CCSER1: variants seen among roughly 807,000 people sequenced by gnomAD.
CCSER1 encodes the protein coiled-coil serine rich protein 1.
CCSER1 carries 41 observed loss-of-function variants against 82.0 expected under a neutral mutation model. That is an observed-to-expected ratio of 0.50 (90% CI 0.39 to 0.65). CCSER1 has a LOEUF of 0.65. Among genes scored for constraint, CCSER1 ranks in the 30% least tolerant of loss-of-function variants. The pLI is 0.00. For synonymous variants in CCSER1, 414 were observed against 383.9 expected, an observed-to-expected ratio of 1.08 and a Z score of -0.92; for missense variants, 1,119 against 1,064.2, an observed-to-expected ratio of 1.05 and a Z score of -0.72.
At chr4:91,173,661 T>A (rs1358988522) in intron 10 of CCSER1, among the ~76,000 whole-genome samples, 1 of 150,866 alleles carries the variant, frequency 6.6e-6, no homozygotes, top group African/African-American at 2.4e-5. Context: ...TTTTGCTACA[T>A]TCCAGGAAAA....
At chr4:90,800,810 C>T (rs1756704762) in intron 7 of CCSER1, among the ~76,000 whole-genome samples, 1 of 152,088 alleles carries the variant, frequency 6.6e-6, no homozygotes, top group Non-Finnish European at 1.5e-5. Context: ...TCTCATTCTT[C>T]TACATGCAAA....
intron 10 of CCSER1, among the ~76,000 whole-genome samples, chr4:91,268,096 C>T (rs981637063): frequency 1.3e-5 from 2 of 152,160 alleles, no homozygotes; most frequent in Admixed American, 1.3e-4. Context: ...AAATGTTTCT[C>T]ATTAAACTAG....
intron 10 of CCSER1, among the ~76,000 whole-genome samples, chr4:91,114,822 T>C (rs1300044799): frequency 6.6e-6 from 1 of 152,212 alleles, no homozygotes; most frequent in Non-Finnish European, 1.5e-5. Flanking sequence ...TTATTGTTAA[T>C]TATTAAAAGG....
At chr4:91,071,598 CA>C (rs1228669609) in intron 9 of CCSER1, among the ~76,000 whole-genome samples, 1 of 152,050 alleles carries the variant, frequency 6.6e-6, no homozygotes, top group African/African-American at 2.4e-5. Context: ...GATTCATATG[CA>C]AATAATCATA....
chr4:90,266,048 C>A (rs1725175025), intron 1 of CCSER1, among the ~76,000 whole-genome samples: 1 of 152,104 alleles, frequency 6.6e-6, no homozygotes, highest in African/African-American at 2.4e-5. Flanking sequence ...TAAATTATTT[C>A]ACTTACAACC....
At chr4:91,580,161 G>A (rs1479861785) in intron 10 of CCSER1, among the ~76,000 whole-genome samples, 2 of 151,882 alleles carry the variant, frequency 1.3e-5, no homozygotes, top group African/African-American at 4.8e-5. Flanking sequence ...TTATAATGCA[G>A]CATATTCAAT....
chr4:91,599,738 G>C lies in CCSER1; in HGVS notation c.*681G>C, dbSNP rs772126807. On this transcript the variant is annotated 3_prime_UTR_variant, in exon 11 of 11. Transcript: ENST00000509176. Reference sequence around the variant, plus strand: ...ATTGCTAGCCAAATAGAGAATGACAGCTCTGATCTTTGAAAAATTTTGCTT... The same window carrying C: ...ATTGCTAGCCAAATAGAGAATGACACCTCTGATCTTTGAAAAATTTTGCTT... The C allele has an allele frequency of 9.2e-5, 14 of 152,184 alleles. No individual in the cohort carries two copies. The highest frequency in any genetic ancestry group is 1.2e-4 in the African/African-American group (5 of 41,552). The allele number at this position is 152,184 out of a possible 1,614,324, so 9.4% of individuals were successfully genotyped here. A position where few individuals can be genotyped will look rare whatever the true frequency, so the allele number is the denominator to read the frequency against.
At chr4:90,271,826 TTATATATATATATATATA>T (rs1189309598) in intron 1 of CCSER1, among the ~76,000 whole-genome samples, 10 of 42,876 alleles carry the variant, frequency 2.3e-4, no homozygotes, top group African/African-American at 7.1e-4. Context: ...ACTGGACAAT[TTATATATATATATATATA>T]TATATATATA....
chr4:90,496,672 A>AAC (rs1769051060), intron 5 of CCSER1, among the ~76,000 whole-genome samples: 1 of 152,178 alleles, frequency 6.6e-6, no homozygotes, highest in African/African-American at 2.4e-5. Context: ...TAACTAAAGA[A>AAC]ACCTTAAAGA....
chr4:91,159,019 G>C (rs911254370), intron 10 of CCSER1, among the ~76,000 whole-genome samples: 9 of 151,796 alleles, frequency 5.9e-5, no homozygotes, highest in Non-Finnish European at 1.2e-4. Flanking sequence ...GCTTTCTACA[G>C]TACAGCTCGG....
chr4:91,267,387 A>T (rs1015420440), intron 10 of CCSER1, among the ~76,000 whole-genome samples: 2 of 152,204 alleles, frequency 1.3e-5, no homozygotes, highest in Admixed American at 6.5e-5. Context: ...TAGGAAAAAA[A>T]TAACTTTAAG....
chr4:91,193,088 C>CT (rs1184333968), intron 10 of CCSER1, among the ~76,000 whole-genome samples: 4 of 152,078 alleles, frequency 2.6e-5, no homozygotes, highest in Non-Finnish European at 5.9e-5. Context: ...ATATTTGTGT[C>CT]TTTTTTTTCA....
At chr4:90,965,600 G>T (rs1238481119) in intron 9 of CCSER1, among the ~76,000 whole-genome samples, 1 of 152,008 alleles carries the variant, frequency 6.6e-6, no homozygotes, top group Non-Finnish European at 1.5e-5. Context: ...GGACTTCAGT[G>T]AACTACAGAT....
chr4:90,920,487 C>T (rs959975607), intron 8 of CCSER1, among the ~76,000 whole-genome samples: 1 of 151,916 alleles, frequency 6.6e-6, no homozygotes, highest in African/African-American at 2.4e-5. Context: ...CATAGTCTCT[C>T]TGACTTCTAA....
chr4:90,769,546 G>A (rs577978459), intron 7 of CCSER1, among the ~76,000 whole-genome samples: 1 of 152,308 alleles, frequency 6.6e-6, no homozygotes, highest in East Asian at 1.9e-4. Flanking sequence ...TTATAGGCCA[G>A]TGGCTTTTTT....
At chr4:91,168,530 G>C (rs1327914224) in intron 10 of CCSER1, among the ~76,000 whole-genome samples, 1 of 146,078 alleles carries the variant, frequency 6.8e-6, no homozygotes, top group Non-Finnish European at 1.5e-5. Context: ...CATCTGGGAG[G>C]TGAGGAGTGC....
chr4:91,238,070 A>G (rs1488965614), intron 10 of CCSER1, among the ~76,000 whole-genome samples: 1 of 152,172 alleles, frequency 6.6e-6, no homozygotes, highest in Non-Finnish European at 1.5e-5. Context: ...ATGACCCCCA[A>G]TGACCCATTC....
In CCSER1 at chr4:91,412,854, C is replaced by T. The variant is rs189388924; in HGVS notation, c.2218-185718C>T. On this transcript the variant is annotated intron_variant, in intron 10 of 10. Coordinates refer to ENST00000509176, the MANE Select transcript of CCSER1 (RefSeq NM_001145065.2). Reference sequence around the variant, plus strand: ...ATACCACCAAATGAAACAAATAAAGCTCCAGGAGCTAACCCTAAAGAAGGG... The same window carrying T: ...ATACCACCAAATGAAACAAATAAAGTTCCAGGAGCTAACCCTAAAGAAGGG... Among the ~76,000 whole-genome samples the T allele has an allele frequency of 2.6e-3, 394 of 152,094 alleles. 2 individuals carry two copies. The highest frequency in any genetic ancestry group is 3.7e-3 in the Non-Finnish European group (249 of 67,992).
intron 5 of CCSER1, among the ~76,000 whole-genome samples, chr4:90,536,253 C>A (rs143674668): frequency 0.015 from 2,240 of 152,104 alleles, 56 homozygotes; most frequent in African/African-American, 0.05. Flanking sequence ...AGGCTGGTCA[C>A]GAACTCCTGA....
Sources: gnomAD v4.1 joint callset for allele counts (sites outside exome capture counted in the v4.1 genomes callset) on GRCh38, gnomAD v4.1.1 for gene constraint, MANE v1.5 for transcripts, NCBI Gene and HGNC (gene_info 2026-07-23, HGNC 2026-07-21) for gene names.